The following AFG2A variants were observed in gnomAD, a reference collection of about 807,000 sequenced individuals.
AFG2A encodes AAA ATPase AFG2A, also known as ATPase family gene 2 protein homolog A.
the AFG2A span, among the ~76,000 whole-genome samples, chr4:123,094,121 TA>T: frequency 6.6e-6 from 1 of 152,228 alleles, no homozygotes; most frequent in East Asian, 1.9e-4. Context: ...CAATACCTGA[TA>T]GGGGTCCTTC....
the AFG2A span, among the ~76,000 whole-genome samples, chr4:123,004,254 C>T: frequency 4.1e-3 from 617 of 152,330 alleles, 6 homozygotes; most frequent in African/African-American, 0.014. Context: ...TGATCCCTTG[C>T]GCTTCCCGAG....
At chr4:123,152,312 G>T in the AFG2A span, among the ~76,000 whole-genome samples, 3 of 152,028 alleles carry the variant, frequency 2.0e-5, no homozygotes, top group Admixed American at 6.6e-5. Flanking sequence ...AATAAGAAAA[G>T]ATAATTAGAA....
the AFG2A span, among the ~76,000 whole-genome samples, chr4:123,179,179 T>C: frequency 6.6e-6 from 1 of 152,162 alleles, no homozygotes; most frequent in Non-Finnish European, 1.5e-5. Context: ...ATGAGGACCA[T>C]AGGCAGTTTT....
At chr4:122,938,478 C>T in the AFG2A span, among the ~76,000 whole-genome samples, 1 of 152,180 alleles carries the variant, frequency 6.6e-6, no homozygotes, top group Non-Finnish European at 1.5e-5. Flanking sequence ...ATATAAAATA[C>T]TATACCATGA....
chr4:123,009,693 A>G, the AFG2A span, among the ~76,000 whole-genome samples: 1 of 152,072 alleles, frequency 6.6e-6, no homozygotes, highest in Non-Finnish European at 1.5e-5. Flanking sequence ...CTTTTGTAGA[A>G]TGCTTCTCAA....
At chr4:123,054,667 G>A in the AFG2A span, among the ~76,000 whole-genome samples, 3 of 151,822 alleles carry the variant, frequency 2.0e-5, no homozygotes, top group Admixed American at 6.6e-5. Context: ...GCAGTGAGCC[G>A]AGATAGCGCC....
chr4:122,923,140 A>G, the AFG2A span: 9 of 1,614,004 alleles, frequency 5.6e-6, no homozygotes, highest in Non-Finnish European at 7.6e-6. Flanking sequence ...GTACCTTGTG[A>G]CCATGTCTTC....
the AFG2A span, among the ~76,000 whole-genome samples, chr4:122,928,562 A>C: frequency 1.3e-5 from 2 of 152,114 alleles, no homozygotes; most frequent in East Asian, 1.9e-4. Context: ...TTAAGCTAGA[A>C]ATTTTCGCTC....
chr4:123,022,086 A>G, the AFG2A span, among the ~76,000 whole-genome samples: 6 of 151,834 alleles, frequency 4.0e-5, no homozygotes, highest in Non-Finnish European at 8.8e-5. Context: ...TAAAAACCCT[A>G]GAAGAAAACC....
chr4:123,248,602 G>A, the AFG2A span, among the ~76,000 whole-genome samples: 1 of 152,268 alleles, frequency 6.6e-6, no homozygotes, highest in South Asian at 2.1e-4. Flanking sequence ...GTGCAGACAA[G>A]CATGTTTCTT....
At chr4:122,958,073 A>T in the AFG2A span, among the ~76,000 whole-genome samples, 1 of 151,848 alleles carries the variant, frequency 6.6e-6, no homozygotes, top group African/African-American at 2.4e-5. Flanking sequence ...CTTTTTTTCC[A>T]CTCTTTGTTG....
the AFG2A span, among the ~76,000 whole-genome samples, chr4:123,283,012 T>C: frequency 6.6e-6 from 1 of 152,220 alleles, no homozygotes; most frequent in East Asian, 1.9e-4. Context: ...TATAAGTGTC[T>C]TGCACTTTTA....
At chr4:123,131,274 C>G in the AFG2A span, among the ~76,000 whole-genome samples, 2 of 152,038 alleles carry the variant, frequency 1.3e-5, no homozygotes, top group Non-Finnish European at 2.9e-5. Context: ...CAACTCTTTA[C>G]TTATGTATAA....
the AFG2A span, among the ~76,000 whole-genome samples, chr4:122,944,877 C>G: frequency 6.6e-6 from 1 of 152,298 alleles, no homozygotes; most frequent in South Asian, 2.1e-4. Context: ...AGCTGCAGGT[C>G]TGTTGGAGTT....
At chr4:123,079,741 C>T in the AFG2A span, among the ~76,000 whole-genome samples, 10 of 116,134 alleles carry the variant, frequency 8.6e-5, no homozygotes, top group South Asian at 3.0e-4. Context: ...TTTTTCTTTT[C>T]CTTCTTTTTT....
chr4:122,937,998 A>T, the AFG2A span: 4 of 944,748 alleles, frequency 4.2e-6, no homozygotes, highest in Non-Finnish European at 5.9e-6. Context: ...GCTTAACATT[A>T]TAATATCTTT....
the AFG2A span, among the ~76,000 whole-genome samples, chr4:123,193,592 CTG>C: frequency 1.3e-5 from 2 of 152,122 alleles, no homozygotes; most frequent in Non-Finnish European, 2.9e-5. Context: ...TTTAATAAGA[CTG>C]AAACCCACAG....
chr4:123,053,102 G>C, the AFG2A span, among the ~76,000 whole-genome samples: 767 of 152,280 alleles, frequency 5.0e-3, 15 homozygotes, highest in Non-Finnish European at 4.7e-3. Context: ...GTGGGGCTTT[G>C]TCGCCCAGTC....
the AFG2A span, among the ~76,000 whole-genome samples, chr4:123,280,855 C>G: frequency 6.6e-6 from 1 of 151,942 alleles, no homozygotes. Flanking sequence ...AGGTGGATAT[C>G]TTGGGGGTGG....
Sources: gnomAD v4.1 joint callset for allele counts (sites outside exome capture counted in the v4.1 genomes callset) on GRCh38, gnomAD v4.1.1 for gene constraint, MANE v1.5 for transcripts, NCBI Gene and HGNC (gene_info 2026-07-23, HGNC 2026-07-21) for gene names.